KIAA1217: variants seen among roughly 807,000 people sequenced by gnomAD.
KIAA1217 encodes sickle tail protein homolog.
In KIAA1217, 88 loss-of-function variants were observed where a neutral mutation model predicts 163.9. The ratio of observed to expected loss-of-function variants is 0.54; its 90% CI spans 0.45 to 0.64. The LOEUF is 0.64. KIAA1217 is among the 30% of genes least tolerant of loss of function. The pLI, the probability that KIAA1217 is intolerant of heterozygous loss-of-function variation, is 0.00. For missense variants in KIAA1217, 2,372 were observed against 2,475.0 expected, an observed-to-expected ratio of 0.96 and a Z score of 0.88; for synonymous variants, 903 against 923.1, an observed-to-expected ratio of 0.98 and a Z score of 0.39.
intron 1 of KIAA1217, among the ~76,000 whole-genome samples, chr10:23,945,989 G>A (rs1172437128): frequency 6.6e-6 from 1 of 152,108 alleles, no homozygotes; most frequent in African/African-American, 2.4e-5. Context: ...GCTTACTCTA[G>A]TGGTTACTTA....
chr10:24,541,393 G>C (rs968437830), intron 17 of KIAA1217, among the ~76,000 whole-genome samples: 1 of 152,038 alleles, frequency 6.6e-6, no homozygotes. Context: ...ACTTTGCACA[G>C]TATTTGCGTG....
intron 1 of KIAA1217, among the ~76,000 whole-genome samples, chr10:23,935,415 A>T (rs1193657011): frequency 6.6e-6 from 1 of 152,224 alleles, no homozygotes; most frequent in African/African-American, 2.4e-5. Flanking sequence ...TCTTTAAAGA[A>T]ATGTATTTTG....
intron 1 of KIAA1217, among the ~76,000 whole-genome samples, chr10:23,729,510 A>T (rs1158649641): frequency 6.6e-6 from 1 of 152,118 alleles, no homozygotes; most frequent in Admixed American, 6.5e-5. Context: ...ATGTACTAGT[A>T]TCTCATTTTT....
chr10:24,238,564 C>T lies in KIAA1217; in HGVS notation c.354+18655C>T, dbSNP rs540825307. Among the ~76,000 whole-genome samples the T allele has an allele frequency of 5.4e-3, 822 of 152,254 alleles. 10 individuals carry two copies. The highest frequency in any genetic ancestry group is 0.019 in the African/African-American group (788 of 41,544). Reference sequence around the variant, plus strand: ...TAGGAAGGAGTTAAAAAGTTCTCCACACCTTTTCCTACCACCTCTGCAGCC... The same window carrying T: ...TAGGAAGGAGTTAAAAAGTTCTCCATACCTTTTCCTACCACCTCTGCAGCC... On this transcript the variant is annotated intron_variant, in intron 2 of 20. Transcript: ENST00000376454.
intron 2 of KIAA1217, among the ~76,000 whole-genome samples, chr10:24,165,245 A>C (rs762923258): frequency 1.3e-5 from 2 of 152,152 alleles, no homozygotes; most frequent in Non-Finnish European, 2.9e-5. Context: ...AGTTTCTTAG[A>C]GGATCCACTT....
chr10:24,414,902 T>C (rs1030880960), intron 3 of KIAA1217, among the ~76,000 whole-genome samples: 2 of 143,244 alleles, frequency 1.4e-5, no homozygotes, highest in East Asian at 4.2e-4. Context: ...AATGCCTCTT[T>C]AGAAGGTATC....
At chr10:24,247,750 G>A (rs1278595131) in intron 2 of KIAA1217, among the ~76,000 whole-genome samples, 4 of 152,160 alleles carry the variant, frequency 2.6e-5, no homozygotes, top group Admixed American at 6.5e-5. Flanking sequence ...GCAGTGAGCT[G>A]AGATTGCGCC....
intron 6 of KIAA1217, among the ~76,000 whole-genome samples, chr10:24,491,534 C>T (rs12252616): frequency 0.21 from 31,326 of 151,946 alleles, 3,507 homozygotes; most frequent in South Asian, 0.38. Flanking sequence ...AAGTGATCCA[C>T]CTGCCTTGGC....
chr10:24,208,873 C>G (rs2067720384), upstream of KIAA1217: 4 of 292,034 alleles, frequency 1.4e-5, no homozygotes. Context: ...GGCCTCCCCC[C>G]CACACCCCCG....
At chr10:24,068,351 A>G (rs1356681425) in intron 2 of KIAA1217, among the ~76,000 whole-genome samples, 2 of 152,078 alleles carry the variant, frequency 1.3e-5, no homozygotes, top group African/African-American at 4.8e-5. Flanking sequence ...AATTTTTTAT[A>G]TCTTTACTTA....
At chr10:24,188,578 C>T (rs2066552894) in intron 2 of KIAA1217, among the ~76,000 whole-genome samples, 1 of 152,204 alleles carries the variant, frequency 6.6e-6, no homozygotes, top group Non-Finnish European at 1.5e-5. Context: ...ATTCAATAGG[C>T]TGCTGCCTAT....
At chr10:24,317,249 C>T (rs1038448424) in intron 2 of KIAA1217, among the ~76,000 whole-genome samples, 6 of 152,018 alleles carry the variant, frequency 3.9e-5, no homozygotes, top group Admixed American at 1.3e-4. Context: ...TGACAAGGGT[C>T]TTTTGTCCGC....
intron 1 of KIAA1217, among the ~76,000 whole-genome samples, chr10:24,215,990 T>C (rs2068765939): frequency 6.6e-6 from 1 of 152,194 alleles, no homozygotes; most frequent in African/African-American, 2.4e-5. Context: ...ATGCTTTTTG[T>C]ACCTTTCCTC....
At chr10:24,412,410 T>C (rs2057864841) in intron 3 of KIAA1217, among the ~76,000 whole-genome samples, 1 of 152,180 alleles carries the variant, frequency 6.6e-6, no homozygotes, top group African/African-American at 2.4e-5. Flanking sequence ...AAAAGCACTG[T>C]TTCCAGTTCT....
At chr10:24,130,803 C>T (rs564713704) in intron 2 of KIAA1217, among the ~76,000 whole-genome samples, 8 of 152,292 alleles carry the variant, frequency 5.3e-5, no homozygotes, top group African/African-American at 1.7e-4. Context: ...CCATCATTAA[C>T]TTTTCCAGCA....
intron 2 of KIAA1217, among the ~76,000 whole-genome samples, chr10:24,069,203 A>G (rs181300977): frequency 1.2e-4 from 19 of 152,298 alleles, no homozygotes; most frequent in African/African-American, 4.6e-4. Flanking sequence ...CCCCAACAGT[A>G]CTGCAGTACA....
At chr10:24,001,777 T>G (rs1308230439) in intron 1 of KIAA1217, among the ~76,000 whole-genome samples, 1 of 152,146 alleles carries the variant, frequency 6.6e-6, no homozygotes, top group African/African-American at 2.4e-5. Flanking sequence ...ACTCAAACCC[T>G]GAGCATCTCA....
At chr10:24,491,078 C>G (rs2066053184) in intron 6 of KIAA1217, among the ~76,000 whole-genome samples, 1 of 152,084 alleles carries the variant, frequency 6.6e-6, no homozygotes, top group Non-Finnish European at 1.5e-5. Flanking sequence ...AAAACTATTA[C>G]CTGGTGGGAG....
chr10:24,044,797 C>G (rs1848874025), intron 2 of KIAA1217, among the ~76,000 whole-genome samples: 2 of 152,050 alleles, frequency 1.3e-5, no homozygotes, highest in Admixed American at 6.6e-5. Context: ...TTTTCTCTTA[C>G]AGTTTTAAAG....
Sources: gnomAD v4.1 joint callset for allele counts (sites outside exome capture counted in the v4.1 genomes callset) on GRCh38, gnomAD v4.1.1 for gene constraint, MANE v1.5 for transcripts, NCBI Gene and HGNC (gene_info 2026-07-23, HGNC 2026-07-21) for gene names.